The following PRKCA variants were observed in gnomAD, a reference collection of about 807,000 sequenced individuals.
The protein encoded by PRKCA is protein kinase C alpha type.
In PRKCA, 27 loss-of-function variants were observed where a neutral mutation model predicts 87.0. That is an observed-to-expected ratio of 0.31 (90% CI 0.23 to 0.43). PRKCA has a LOEUF of 0.43. Among genes scored for constraint, PRKCA ranks in the 20% least tolerant of loss-of-function variants. The pLI, the probability that PRKCA is intolerant of heterozygous loss-of-function variation, is 1.00. For missense variants in PRKCA, 518 were observed against 852.3 expected (o/e 0.61, Z 4.88); for synonymous variants, 329 against 311.1 (o/e 1.06, Z -0.61).
intron 2 of PRKCA, among the ~76,000 whole-genome samples, chr17:66,382,423 C>T (rs538358745): frequency 6.6e-6 from 1 of 152,274 alleles, no homozygotes; most frequent in East Asian, 1.9e-4. Context: ...GCCTCAGTCT[C>T]CCGAGTAGCC....
chr17:66,545,171 G>C (rs1191938378), intron 3 of PRKCA, among the ~76,000 whole-genome samples: 2 of 152,166 alleles, frequency 1.3e-5, no homozygotes, highest in South Asian at 4.1e-4. Context: ...AATCACGCCT[G>C]TAATCCCAGC....
At chr17:66,669,680 C>T (rs1017267564) in intron 5 of PRKCA, among the ~76,000 whole-genome samples, 2 of 152,130 alleles carry the variant, frequency 1.3e-5, no homozygotes, top group African/African-American at 4.8e-5. Flanking sequence ...TTGGGCAGAT[C>T]ACTTGAACTC....
intron 2 of PRKCA, among the ~76,000 whole-genome samples, chr17:66,387,936 G>C (rs554866324): frequency 6.6e-6 from 1 of 152,178 alleles, no homozygotes; most frequent in Admixed American, 6.5e-5. Flanking sequence ...TGCTGTCCCC[G>C]GGTCCATTCC....
chr17:66,347,631 A>G (rs190937020), intron 2 of PRKCA, among the ~76,000 whole-genome samples: 25 of 152,292 alleles, frequency 1.6e-4, no homozygotes, highest in African/African-American at 6.0e-4. Context: ...TTCATTATTC[A>G]ACATCAAAAA....
At chr17:66,512,511 T>C (rs1917282767) in intron 3 of PRKCA, among the ~76,000 whole-genome samples, 1 of 149,620 alleles carries the variant, frequency 6.7e-6, no homozygotes, top group South Asian at 2.1e-4. Flanking sequence ...TTTCCCTTGG[T>C]CCACAAGGCC....
At position 66,792,509 on chromosome 17, in the gene PRKCA, C is replaced by T. The variant is rs1158855922; in HGVS notation, c.1854+3530C>T. Among the ~76,000 whole-genome samples the T allele has an allele frequency of 2.0e-5, 3 of 152,222 alleles. No individual in the cohort carries two copies. The highest frequency in any genetic ancestry group is 4.4e-5 in the Non-Finnish European group (3 of 68,044). Reference sequence around the variant, plus strand: ...GGTTCCTCTAGTGTGCTGTCTTAATCCCTCTTCCTGACTGCCAGAGTGACT... The same window carrying T: ...GGTTCCTCTAGTGTGCTGTCTTAATTCCTCTTCCTGACTGCCAGAGTGACT... On this transcript the variant is annotated intron_variant, in intron 16 of 16. Coordinates refer to ENST00000413366, the MANE Select transcript of PRKCA (RefSeq NM_002737.3). The surrounding 1 kb of genome is among the most constrained non-coding windows in gnomAD (Gnocchi z 4.5).
chr17:66,501,445 G>T lies in PRKCA; in HGVS notation c.288+5162G>T, dbSNP rs191633081. Among the ~76,000 whole-genome samples the T allele has an allele frequency of 3.9e-5, 6 of 152,296 alleles. No homozygotes were observed. The East Asian group carries it at 7.7e-4, about 20-fold the overall frequency. On this transcript the variant is annotated intron_variant, in intron 3 of 16. Coordinates refer to ENST00000413366, the MANE Select transcript of PRKCA (RefSeq NM_002737.3). ...AGACTTTAAGTCCGTCCCCATACAC[G>T]CTGAGTAGAGAAGGAATGAAAGCAG...
intron 2 of PRKCA, among the ~76,000 whole-genome samples, chr17:66,427,247 G>A (rs1179401488): frequency 6.6e-6 from 1 of 152,178 alleles, no homozygotes; most frequent in African/African-American, 2.4e-5. Context: ...ACCCAGGCTG[G>A]TTTTGAACTC....
intron 2 of PRKCA, among the ~76,000 whole-genome samples, chr17:66,488,351 CTGAACAGTCTGAAGG>C (rs1444131428): frequency 6.6e-6 from 1 of 152,208 alleles, no homozygotes; most frequent in Non-Finnish European, 1.5e-5. Flanking sequence ...GTTCGTGTGA[CTGAACAGTCTGAAGG>C]TGATAGCCTT....
chr17:66,801,442 G>A (rs993722984), intron 16 of PRKCA, among the ~76,000 whole-genome samples: 1 of 152,188 alleles, frequency 6.6e-6, no homozygotes, highest in African/African-American at 2.4e-5. Context: ...ACCAGAGGAG[G>A]GCTATTTCTT....
At chr17:66,432,915 T>C (rs1913170502) in intron 2 of PRKCA, among the ~76,000 whole-genome samples, 1 of 152,122 alleles carries the variant, frequency 6.6e-6, no homozygotes, top group African/African-American at 2.4e-5. Context: ...AAAACTGCAA[T>C]TACTTTTGTA....
At chr17:66,474,691 C>T (rs1386177957) in intron 2 of PRKCA, among the ~76,000 whole-genome samples, 2 of 152,248 alleles carry the variant, frequency 1.3e-5, no homozygotes, top group African/African-American at 2.4e-5. Context: ...TTTATTATAC[C>T]GGAAGCCCAT....
At chr17:66,750,945 G>A (rs1340872047) in intron 13 of PRKCA, among the ~76,000 whole-genome samples, 16 of 152,294 alleles carry the variant, frequency 1.1e-4, no homozygotes, top group African/African-American at 3.6e-4. Context: ...CAAGCAACAT[G>A]TCACTCCACA....
chr17:66,454,910 A>C (rs181500365), intron 2 of PRKCA, among the ~76,000 whole-genome samples: 1 of 152,312 alleles, frequency 6.6e-6, no homozygotes, highest in East Asian at 1.9e-4. Context: ...ACTCTGTGCA[A>C]TTGTGGGCCC....
At chr17:66,624,213 A>C (rs1970776702) in intron 3 of PRKCA, among the ~76,000 whole-genome samples, 1 of 152,062 alleles carries the variant, frequency 6.6e-6, no homozygotes, top group African/African-American at 2.4e-5. Flanking sequence ...GAAGGAAGCC[A>C]CCGAGAGGCT....
intron 2 of PRKCA, among the ~76,000 whole-genome samples, chr17:66,307,954 C>T (rs1904907546): frequency 6.6e-6 from 1 of 152,172 alleles, no homozygotes; most frequent in Non-Finnish European, 1.5e-5. Flanking sequence ...TTTTATACGA[C>T]TTTGCAACTT....
At chr17:66,421,637 A>G (rs1482997928) in intron 2 of PRKCA, among the ~76,000 whole-genome samples, 1 of 151,280 alleles carries the variant, frequency 6.6e-6, no homozygotes, top group Non-Finnish European at 1.5e-5. Flanking sequence ...GGTTCAAGCA[A>G]TTCTCCTGCC....
chr17:66,408,855 C>A (rs1344255032), intron 2 of PRKCA, among the ~76,000 whole-genome samples: 2 of 151,558 alleles, frequency 1.3e-5, no homozygotes, highest in Non-Finnish European at 2.9e-5. Flanking sequence ...AGTTCAAGAC[C>A]AGCCTGGCCA....
intron 2 of PRKCA, among the ~76,000 whole-genome samples, chr17:66,395,570 C>G (rs1910616631): frequency 6.6e-6 from 1 of 152,060 alleles, no homozygotes; most frequent in South Asian, 2.1e-4. Flanking sequence ...TGGTACAGGT[C>G]CACTTTAGAT....
Sources: gnomAD v4.1 joint callset for allele counts (sites outside exome capture counted in the v4.1 genomes callset) on GRCh38, gnomAD v4.1.1 for gene constraint, Gnocchi (gnomAD v3.1) non-coding constraint, MANE v1.5 for transcripts, NCBI Gene and HGNC (gene_info 2026-07-23, HGNC 2026-07-21) for gene names.